The following TIAM1 variants were observed in gnomAD, a reference collection of about 807,000 sequenced individuals.
TIAM1 encodes the protein rho guanine nucleotide exchange factor TIAM1.
Under a neutral mutation model 163.5 loss-of-function variants are expected in TIAM1, and 65 were observed. The observed-to-expected ratio is 0.40, with a 90% CI of 0.33 to 0.49. The LOEUF (loss-of-function observed/expected upper bound fraction) is 0.49, where lower values mean the gene tolerates loss of function less well. TIAM1 is among the 20% of genes least tolerant of loss of function. The pLI, the probability that TIAM1 is intolerant of heterozygous loss-of-function variation, is 0.77. For missense variants in TIAM1, 1,789 were observed against 2,044.7 expected (o/e 0.87, Z 2.41); for synonymous variants, 833 against 810.1 (o/e 1.03, Z -0.48).
At chr21:31,512,550 A>G (rs540209445) in intron 1 of TIAM1, among the ~76,000 whole-genome samples, 6 of 152,104 alleles carry the variant, frequency 3.9e-5, no homozygotes, top group African/African-American at 1.4e-4. Context: ...AATTCTGAGG[A>G]AAACTCCCGG....
chr21:31,373,286 T>C (rs1195351029), intron 2 of TIAM1, among the ~76,000 whole-genome samples: 3 of 152,100 alleles, frequency 2.0e-5, no homozygotes, highest in Non-Finnish European at 4.4e-5. Flanking sequence ...TGAGACCCTG[T>C]CATAAAATTC....
At chr21:31,453,930 T>C (rs901470083) in intron 2 of TIAM1, among the ~76,000 whole-genome samples, 1 of 152,086 alleles carries the variant, frequency 6.6e-6, no homozygotes, top group Non-Finnish European at 1.5e-5. Flanking sequence ...TTTCTGTTGC[T>C]CCCACTCCAG....
intron 2 of TIAM1, among the ~76,000 whole-genome samples, chr21:31,327,669 A>G (rs1424489712): frequency 6.7e-6 from 1 of 149,866 alleles, no homozygotes; most frequent in Non-Finnish European, 1.5e-5. Context: ...AAAAGGAAAG[A>G]AAAGAAAACA....
intron 2 of TIAM1, among the ~76,000 whole-genome samples, chr21:31,338,363 TAGG>T (rs781556300): frequency 3.3e-5 from 5 of 152,150 alleles, no homozygotes; most frequent in Non-Finnish European, 7.3e-5. Flanking sequence ...CCAACCAACA[TAGG>T]AGCCCAACCT....
At chr21:31,164,630 A>G (rs945820645) in intron 16 of TIAM1, among the ~76,000 whole-genome samples, 5 of 152,170 alleles carry the variant, frequency 3.3e-5, no homozygotes, top group Non-Finnish European at 7.3e-5. Context: ...AATCCCACAT[A>G]CTTTTGATGC....
At chr21:31,542,860 C>G (rs556257331) in intron 1 of TIAM1, among the ~76,000 whole-genome samples, 2 of 151,546 alleles carry the variant, frequency 1.3e-5, no homozygotes, top group Non-Finnish European at 2.9e-5. Context: ...CCCAGATACT[C>G]GGGAGGCTGA....
intron 20 of TIAM1, among the ~76,000 whole-genome samples, chr21:31,146,005 G>C (rs2083089785): frequency 6.6e-6 from 1 of 152,042 alleles, no homozygotes; most frequent in Non-Finnish European, 1.5e-5. Context: ...TATGAAGTGT[G>C]GTAGGTTATA....
chr21:31,151,583 G>A (rs932987722), intron 19 of TIAM1, among the ~76,000 whole-genome samples: 2 of 152,110 alleles, frequency 1.3e-5, no homozygotes, highest in Admixed American at 6.5e-5. Context: ...AGGCAGAAGA[G>A]AAAAACCACA....
rs564182460 is a variant in TIAM1 at position 31,312,404 on chromosome 21, G to C, written c.-189+26839C>G. 3.9e-5 allele frequency among the ~76,000 whole-genome samples: 6 copies of C among 152,254 alleles called. No homozygotes were observed. The East Asian group carries it at 1.2e-3, about 29-fold the overall frequency. On this transcript the variant is annotated intron_variant, in intron 2 of 27. Coordinates refer to ENST00000541036, the MANE Select transcript of TIAM1 (RefSeq NM_001353694.2). ...GGAAGGGAAACAATATAACAGGTGA[G>C]TTAGCGTCATTAGTATACGCAGCAT...
intron 2 of TIAM1, among the ~76,000 whole-genome samples, chr21:31,442,691 G>A (rs1180030024): frequency 4.6e-5 from 7 of 152,194 alleles, no homozygotes; most frequent in East Asian, 1.9e-4. Flanking sequence ...GATTCTTTGC[G>A]AAGACTGGAA....
intron 1 of TIAM1, among the ~76,000 whole-genome samples, chr21:31,550,344 A>G (rs1344487230): frequency 6.6e-6 from 1 of 152,126 alleles, no homozygotes; most frequent in African/African-American, 2.4e-5. Context: ...CTACAGATGA[A>G]CCTTGAAAAC....
intron 2 of TIAM1, among the ~76,000 whole-genome samples, chr21:31,362,283 G>A (rs1275831030): frequency 6.6e-6 from 1 of 151,926 alleles, no homozygotes; most frequent in Admixed American, 6.6e-5. Context: ...TGGACTGGAT[G>A]AGTTATGGAC....
intron 2 of TIAM1, among the ~76,000 whole-genome samples, chr21:31,453,828 C>G (rs1053444060): frequency 6.6e-6 from 1 of 151,692 alleles, no homozygotes; most frequent in African/African-American, 2.4e-5. Flanking sequence ...AATAATTGTG[C>G]TACAAAGACC....
chr21:31,436,201 A>G (rs2044202755), intron 2 of TIAM1, among the ~76,000 whole-genome samples: 1 of 152,170 alleles, frequency 6.6e-6, no homozygotes, highest in Non-Finnish European at 1.5e-5. Flanking sequence ...AGCCTCCACT[A>G]TAGACTGCAG....
At chr21:31,230,020 C>T (rs2088321150) in intron 6 of TIAM1, among the ~76,000 whole-genome samples, 1 of 152,166 alleles carries the variant, frequency 6.6e-6, no homozygotes, top group African/African-American at 2.4e-5. Flanking sequence ...GCGCACGCAG[C>T]ACTAAGGAGA....
chr21:31,545,993 T>C lies in TIAM1; in HGVS notation c.-422+12934A>G, dbSNP rs574836550. On this transcript the variant is annotated intron_variant, in intron 1 of 28. Coordinates refer to the TIAM1 transcript ENST00000286827. ...AGTAACTACTACTCATCACAAAATC[T>C]TTCAAAGTTAGAGAAAATCATACAG... Among the ~76,000 whole-genome samples, 5 of 152,246 alleles carry C rather than the reference T, an allele frequency of 3.3e-5. 2 individuals are homozygous for C. Among genetic ancestry groups the C allele is most frequent in the African/African-American group, 1.2e-4 (5 of 41,548 alleles).
intron 25 of TIAM1, among the ~76,000 whole-genome samples, chr21:31,128,723 G>C (rs2082300896): frequency 6.6e-6 from 1 of 152,204 alleles, no homozygotes; most frequent in Non-Finnish European, 1.5e-5. Flanking sequence ...TCTACTGGAA[G>C]CTTAGAGAGA....
chr21:31,429,650 C>G (rs1178432999), intron 2 of TIAM1, among the ~76,000 whole-genome samples: 1 of 152,036 alleles, frequency 6.6e-6, no homozygotes, highest in Non-Finnish European at 1.5e-5. Context: ...GCAGGTCAAG[C>G]AGAGTTAGGC....
At chr21:31,132,643 C>T (rs1169489162) in intron 23 of TIAM1, among the ~76,000 whole-genome samples, 1 of 152,158 alleles carries the variant, frequency 6.6e-6, no homozygotes, top group African/African-American at 2.4e-5. Flanking sequence ...CAATCTTAAC[C>T]ATTGTGGATC....
Sources: allele counts gnomAD v4.1 joint callset (sites outside exome capture counted in the v4.1 genomes callset), GRCh38; gene constraint gnomAD v4.1.1; transcripts MANE v1.5; gene names NCBI Gene and HGNC (gene_info 2026-07-23, HGNC 2026-07-21).